The following SERTM2 variants were observed in gnomAD, a reference collection of about 807,000 sequenced individuals.
SERTM2 encodes serine rich and transmembrane domain containing 2.
intron 2 of SERTM2, among the ~76,000 whole-genome samples, chrX:111,515,016 C>T (rs1042883502): frequency 5.5e-5 from 6 of 109,951 alleles, no homozygotes; most frequent in Non-Finnish European, 9.5e-5. Context: ...AGGTAGATGT[C>T]GTGTAAATTA....
rs780816839 is a variant in SERTM2, at chrX:111,519,257, C to A, written c.*127C>A. ...CACAAGTTGTTCATTTAACAGCAAG[C>A]TGTTCATGTTTTCTTTGTGTTATTC... On this transcript the variant is annotated 3_prime_UTR_variant, in exon 3 of 3. Coordinates refer to ENST00000569275, the MANE Select transcript of SERTM2 (RefSeq NM_001354473.2). The A allele has an allele frequency of 1.4e-4, 41 of 291,248 alleles. No homozygotes were observed. The highest frequency in any genetic ancestry group is 8.5e-4 in the African/African-American group (31 of 36,331). The allele number at this position is 291,248 out of a possible 1,213,427, so 24.0% of individuals were successfully genotyped here.
At position 111,519,789 on chromosome X, in the gene SERTM2, AT is replaced by A. The variant is rs1384311966; in HGVS notation, c.*661del. 8.9e-6 allele frequency: 1 copy of A among 112,081 alleles called. No individual in the cohort carries two copies. The highest frequency in any genetic ancestry group is 1.9e-5 in the Non-Finnish European group (1 of 53,229). The allele number at this position is 112,081 out of a possible 1,213,427, so 9.2% of individuals were successfully genotyped here. A position where few individuals can be genotyped will look rare whatever the true frequency, so the allele number is the denominator to read the frequency against. On this transcript the variant is annotated 3_prime_UTR_variant, in exon 3 of 3. Coordinates refer to ENST00000569275, the MANE Select transcript of SERTM2 (RefSeq NM_001354473.2). Reference sequence around the variant, plus strand: ...AGAAAAATGTGCATATTATATCCATATTAATTCTATTCATGCAGCTTCTTTG... The same window carrying A: ...AGAAAAATGTGCATATTATATCCATATAATTCTATTCATGCAGCTTCTTTG...
chrX:111,514,503 A>G (rs1439710951), intron 2 of SERTM2, among the ~76,000 whole-genome samples: 4 of 112,001 alleles, frequency 3.6e-5, no homozygotes, highest in Non-Finnish European at 7.5e-5. Flanking sequence ...CATGAACTAA[A>G]TCTTGAAGAA....
chrX:111,517,242 C>T (rs1930329800), intron 2 of SERTM2, among the ~76,000 whole-genome samples: 1 of 110,964 alleles, frequency 9.0e-6, no homozygotes, highest in African/African-American at 3.3e-5. Context: ...AGCCTGCATT[C>T]CTGAATGTTC....
At chrX:111,515,643 C>T (rs765062116) in intron 2 of SERTM2, among the ~76,000 whole-genome samples, 3 of 110,950 alleles carry the variant, frequency 2.7e-5, no homozygotes, top group Non-Finnish European at 5.7e-5. Flanking sequence ...AAGAAAAGAC[C>T]CAGTTATATA....
chrX:111,512,047 A>G lies in SERTM2; in HGVS notation c.-831A>G, dbSNP rs1215171019. The G allele has an allele frequency of 3.4e-6, 1 of 294,900 alleles. No individual in the cohort carries two copies. The highest frequency in any genetic ancestry group is 5.9e-6 in the Non-Finnish European group (1 of 169,140). The allele number at this position is 294,900 out of a possible 1,213,427, so 24.3% of individuals were successfully genotyped here. A position where few individuals can be genotyped will look rare whatever the true frequency, so the allele number is the denominator to read the frequency against. ...AGTTACCTGTTGGTGAAAGCTTCAA[A>G]AGGGATACTTAAGTGACCAATCCTA... On this transcript the variant is annotated 5_prime_UTR_variant, in exon 2 of 3. Coordinates refer to ENST00000569275, the MANE Select transcript of SERTM2 (RefSeq NM_001354473.2).
In SERTM2 at chrX:111,518,997, C is replaced by G; in HGVS notation, c.140C>G (p.Ala47Gly). The G allele has an allele frequency of 1.0e-5, 3 of 297,442 alleles. No homozygotes were observed. The highest frequency in any genetic ancestry group is 1.8e-5 in the Non-Finnish European group (3 of 170,096). 24.5% of individuals were successfully genotyped at this position (297,442 alleles called of 1,213,427 possible). ...GTGGGCTTATTCCTGAGCCTCCTGG[C>G]CATTCTCCTCATCCTGCTCTTCACA... ...MYVGLFLSLLAILLILLFTML... is the reference protein window; with the variant it reads ...MYVGLFLSLLGILLILLFTML... The change falls in exon 3 of 3, where the codon GCC (alanine) becomes GGC (glycine). Residue 47 changes from alanine (A) to glycine (G), a missense_variant. Physicochemically the swap from Ala to Gly is moderately conservative, Grantham distance 60. Transcript: ENST00000569275.
In SERTM2 at chrX:111,511,784, T is replaced by C; in HGVS notation, c.-931T>C. Reference sequence around the variant, plus strand: ...ACACACATCCAAACAGACTTCTCTTTGCTTTTCAGAGCTTATAAGGAGCAG... The same window carrying C: ...ACACACATCCAAACAGACTTCTCTTCGCTTTTCAGAGCTTATAAGGAGCAG... On this transcript the variant is annotated 5_prime_UTR_variant, in exon 1 of 3. Transcript: ENST00000569275. 4.0e-6 allele frequency: 1 copy of C among 247,829 alleles called. No homozygotes were observed. Among genetic ancestry groups the C allele is most frequent in the African/African-American group, 2.8e-5 (1 of 35,860 alleles). The allele number at this position is 247,829 out of a possible 1,213,427, so 20.4% of individuals were successfully genotyped here.
chrX:111,512,788 G>C (rs913017742), intron 2 of SERTM2, among the ~76,000 whole-genome samples: 2 of 111,203 alleles, frequency 1.8e-5, no homozygotes, highest in African/African-American at 6.5e-5. Context: ...TCATTCTGGG[G>C]AGCAAAATTC....
rs1930366857 is a variant in SERTM2 at position 111,519,029 on chromosome X, C to T, written c.172C>T (p.Leu58Phe). The T allele has an allele frequency of 6.7e-6, 2 of 297,416 alleles. No individual in the cohort carries two copies. The highest frequency in any genetic ancestry group is 1.2e-5 in the Non-Finnish European group (2 of 170,127). The allele number at this position is 297,416 out of a possible 1,213,427, so 24.5% of individuals were successfully genotyped here. Residue 58 changes from leucine to phenylalanine, a missense_variant, in exon 3 of 3, where the codon CTT becomes TTT. Coordinates refer to ENST00000569275, the MANE Select transcript of SERTM2 (RefSeq NM_001354473.2). ...ILLILLFTML[L>F]RLKHVISPIN... ...CCTCATCCTGCTCTTCACAATGCTCCTTCGGCTCAAACATGTCATCTCGCC... is the reference window on the plus strand; with the variant it reads ...CCTCATCCTGCTCTTCACAATGCTCTTTCGGCTCAAACATGTCATCTCGCC...
At chrX:111,517,412 A>G (rs1161730027) in intron 2 of SERTM2, among the ~76,000 whole-genome samples, 1 of 111,002 alleles carries the variant, frequency 9.0e-6, no homozygotes, top group Non-Finnish European at 1.9e-5. Context: ...AAAAGACTTT[A>G]TTGCTTTTCT....
intron 2 of SERTM2, among the ~76,000 whole-genome samples, chrX:111,513,087 C>T (rs1930256150): frequency 9.1e-6 from 1 of 109,904 alleles, no homozygotes. Flanking sequence ...TTTCCCTTTC[C>T]CCCAAACTTC....
rs1428259594 is a variant in SERTM2, at chrX:111,518,696, C to T, written c.-162C>T. 1 of 292,996 alleles carries T rather than the reference C, an allele frequency of 3.4e-6. No individual in the cohort carries two copies. Among genetic ancestry groups the T allele is most frequent in the East Asian group, 4.8e-5 (1 of 20,879 alleles). 24.1% of individuals were successfully genotyped at this position (292,996 alleles called of 1,213,427 possible). On this transcript the variant is annotated 5_prime_UTR_variant, in exon 3 of 3. Transcript: ENST00000569275. ...TGTTGCAATTGTCAAATAGCATCAC[C>T]ATTTTCTGCTTGTGTGCTATTGCCT...
intron 2 of SERTM2, among the ~76,000 whole-genome samples, chrX:111,516,977 T>A (rs1486088638): frequency 1.8e-5 from 2 of 111,765 alleles, no homozygotes; most frequent in Non-Finnish European, 1.9e-5. Flanking sequence ...TCAAAATTCA[T>A]GTTTAGAATG....
chrX:111,516,941 A>C (rs1930323831), intron 2 of SERTM2, among the ~76,000 whole-genome samples: 1 of 111,579 alleles, frequency 9.0e-6, no homozygotes, highest in East Asian at 2.8e-4. Context: ...ATGGTTGTTT[A>C]TATTGTTTAT....
intron 2 of SERTM2, among the ~76,000 whole-genome samples, chrX:111,513,949 G>T (rs972687745): frequency 9.0e-6 from 1 of 111,571 alleles, no homozygotes; most frequent in African/African-American, 3.2e-5. Context: ...GGCAGAAAAT[G>T]TAGTATCAAT....
intron 2 of SERTM2, among the ~76,000 whole-genome samples, chrX:111,513,126 T>A (rs914633311): frequency 9.1e-6 from 1 of 109,669 alleles, no homozygotes; most frequent in African/African-American, 3.3e-5. Flanking sequence ...CCATTCTTTC[T>A]CAATATTACC....
Position 111,519,353 on chromosome X carries a change from C to G in SERTM2, c.*223C>G. On this transcript the variant is annotated 3_prime_UTR_variant, in exon 3 of 3. Coordinates refer to ENST00000569275, the MANE Select transcript of SERTM2 (RefSeq NM_001354473.2). Reference sequence around the variant, plus strand: ...ACTCTGAAAGGAATATAGGAAAAGACAGCTGGTTGGGAGGGCTGGTTTCCA... The same window carrying G: ...ACTCTGAAAGGAATATAGGAAAAGAGAGCTGGTTGGGAGGGCTGGTTTCCA... The G allele has an allele frequency of 4.3e-6, 1 of 234,497 alleles. No homozygotes were observed. The highest frequency in any genetic ancestry group is 7.7e-6 in the Non-Finnish European group (1 of 130,264). 19.3% of individuals were successfully genotyped at this position (234,497 alleles called of 1,213,427 possible). A position where few individuals can be genotyped will look rare whatever the true frequency, so the allele number is the denominator to read the frequency against.
intron 2 of SERTM2, among the ~76,000 whole-genome samples, chrX:111,516,802 C>A (rs1301640391): frequency 1.2e-4 from 13 of 111,114 alleles, no homozygotes. Context: ...GGGCAAAATT[C>A]AATATGATAG....
Sources: allele counts gnomAD v4.1 joint callset (sites outside exome capture counted in the v4.1 genomes callset), GRCh38; gene constraint gnomAD v4.1.1; transcripts MANE v1.5; gene names NCBI Gene and HGNC (gene_info 2026-07-23, HGNC 2026-07-21).